Variants in HEPACAM2 observed in about 807,000 individuals in gnomAD.
HEPACAM2 encodes mitotic kinetics regulator.
HEPACAM2 carries 49 observed loss-of-function variants against 49.6 expected under a neutral mutation model. The observed-to-expected ratio is 0.99, with a 90% CI of 0.78 to 1.25. The LOEUF (loss-of-function observed/expected upper bound fraction) is 1.25, where lower values mean the gene tolerates loss of function less well. Ranked by LOEUF, HEPACAM2 falls within the 50% of genes most tolerant of loss-of-function variation. The pLI, the probability that HEPACAM2 is intolerant of heterozygous loss-of-function variation, is 0.00. For synonymous variants in HEPACAM2, 197 were observed against 202.9 expected (o/e 0.97, Z 0.25); for missense variants, 525 against 557.2 (o/e 0.94, Z 0.58).
chr7:93,195,128 G>A (rs1010731853), intron 8 of HEPACAM2, among the ~76,000 whole-genome samples: 2 of 152,026 alleles, frequency 1.3e-5, no homozygotes, highest in African/African-American at 4.8e-5. Context: ...GGGCAATAAA[G>A]GGAAAACTGA....
chr7:93,195,908 T>G lies in HEPACAM2; in HGVS notation c.1202-7A>C, dbSNP rs780731775. 1.5e-5 allele frequency: 24 copies of G among 1,605,260 alleles called. No individual in the cohort carries two copies. Among genetic ancestry groups the G allele is most frequent in the Middle Eastern group, 3.3e-4 (2 of 6,036 alleles). ...TCCAGAGCATCTTCATGGCCTGAAA[T>G]GTAAAACAAATACTGCTTACAAACC... On this transcript the variant is annotated splice_region_variant and splice_polypyrimidine_tract_variant and intron_variant, in intron 7 of 9. Transcript: ENST00000394468.
At chr7:93,230,976 A>G (rs770540298), upstream of HEPACAM2, among the ~76,000 whole-genome samples, 10 of 152,212 alleles carry the variant, frequency 6.6e-5, no homozygotes, top group Non-Finnish European at 1.2e-4. Flanking sequence ...ATTCACCTAC[A>G]TCATCTCACT....
intron 3 of HEPACAM2, among the ~76,000 whole-genome samples, chr7:93,211,732 G>A (rs575221498): frequency 3.4e-4 from 51 of 152,034 alleles, no homozygotes; most frequent in Admixed American, 1.3e-3. Context: ...GGTGCACACC[G>A]AAGGAAACCA....
chr7:93,209,676 C>T (rs12669719), intron 3 of HEPACAM2, among the ~76,000 whole-genome samples: 6,065 of 151,992 alleles, frequency 0.04, 202 homozygotes, highest in East Asian at 0.16. Context: ...AGCTTCTACA[C>T]ATTAATATTT....
At chr7:93,212,512 T>G (rs1230365706) in intron 3 of HEPACAM2, among the ~76,000 whole-genome samples, 10 of 133,250 alleles carry the variant, frequency 7.5e-5, no homozygotes, top group South Asian at 6.8e-4. Context: ...AAATGCACGG[T>G]TTTTTTTTTG....
intron 4 of HEPACAM2, among the ~76,000 whole-genome samples, chr7:93,203,903 A>G (rs962832494): frequency 6.6e-6 from 1 of 152,114 alleles, no homozygotes; most frequent in African/African-American, 2.4e-5. Context: ...ACTCCATCAT[A>G]GGCCCACTGA....
intron 2 of HEPACAM2, among the ~76,000 whole-genome samples, chr7:93,216,323 G>A (rs1794306900): frequency 6.6e-6 from 1 of 152,122 alleles, no homozygotes; most frequent in East Asian, 1.9e-4. Context: ...TTTCAACACT[G>A]ACTCAGTCTG....
intron 3 of HEPACAM2, among the ~76,000 whole-genome samples, chr7:93,215,168 C>A (rs1314249007): frequency 6.6e-6 from 1 of 152,116 alleles, no homozygotes; most frequent in Admixed American, 6.6e-5. Context: ...TCACGAAATA[C>A]AACCTGAGTG....
At chr7:93,202,044 A>C (rs1557636) in intron 4 of HEPACAM2, among the ~76,000 whole-genome samples, 6,500 of 147,806 alleles carry the variant, frequency 0.044, 220 homozygotes, top group East Asian at 0.15. Flanking sequence ...AAAAAAAAAA[A>C]AAAAACCACA....
In HEPACAM2 at chr7:93,197,417, A is replaced by C. The variant is rs201755152; in HGVS notation, c.1139-20T>G. 5.4e-3 allele frequency: 8,638 copies of C among 1,589,852 alleles called. 92 individuals are homozygous for C. The highest frequency in any genetic ancestry group is 0.018 in the Middle Eastern group (109 of 5,916). ...TTATAACTAAAATCAAGAGAGAAGAAAAATGGTAAGGTTTTTTTTAGTACA... is the reference window on the plus strand; with the variant it reads ...TTATAACTAAAATCAAGAGAGAAGACAAATGGTAAGGTTTTTTTTAGTACA... On this transcript the variant is annotated intron_variant, in intron 5 of 9. Coordinates refer to ENST00000394468, the MANE Select transcript of HEPACAM2 (RefSeq NM_001039372.4).
chr7:93,225,988 T>C (rs1218116312), intron 1 of HEPACAM2: 14 of 1,028,884 alleles, frequency 1.4e-5, no homozygotes, highest in Non-Finnish European at 1.8e-5. Context: ...GTAAATTATT[T>C]GTAGTTTCAC....
At chr7:93,208,366 C>T (rs1052642183) in intron 4 of HEPACAM2, among the ~76,000 whole-genome samples, 3 of 152,010 alleles carry the variant, frequency 2.0e-5, no homozygotes, top group Admixed American at 6.6e-5. Flanking sequence ...TAGCCCTTCA[C>T]AATTGAATTG....
chr7:93,202,984 C>G (rs1318583043), intron 4 of HEPACAM2, among the ~76,000 whole-genome samples: 1 of 152,122 alleles, frequency 6.6e-6, no homozygotes, highest in African/African-American at 2.4e-5. Flanking sequence ...TACAGAGGAT[C>G]CCACTGTTTC....
chr7:93,190,318 A>T (rs1793510665), intron 9 of HEPACAM2, among the ~76,000 whole-genome samples: 1 of 152,008 alleles, frequency 6.6e-6, no homozygotes, highest in South Asian at 2.1e-4. Context: ...AGAGGAGGAA[A>T]ATTTTAAGAA....
intron 1 of HEPACAM2, among the ~76,000 whole-genome samples, chr7:93,222,915 TTGTCAATCC>T (rs1794477248): frequency 6.6e-6 from 1 of 152,208 alleles, no homozygotes; most frequent in African/African-American, 2.4e-5. Flanking sequence ...ATATATTAAG[TTGTCAATCC>T]TTGGATATCC....
At chr7:93,195,713 G>A in intron 8 of HEPACAM2, 115 bp downstream of exon 8, 1 of 766,392 alleles carries the variant, frequency 1.3e-6, no homozygotes, top group Non-Finnish European at 2.2e-6. Flanking sequence ...GCTTAATGCA[G>A]TAATGGGTAA....
chr7:93,219,339 G>A lies in HEPACAM2; in HGVS notation c.192C>T (p.Ile64=). ...GTCTCTCAAATAGCCATATGATCTG[G>A]ATGTCTGATGCTGGAGTGTGGAAGC... The part of the protein sequence containing the change: ...HYGFHTPASD[I]QIIWLFERPH... The change falls in exon 2 of 10, where the codon ATC becomes ATT. Residue 64 remains isoleucine (I), a synonymous_variant. Transcript: ENST00000394468. 1 of 1,614,002 alleles carries A rather than the reference G, an allele frequency of 6.2e-7. No individual in the cohort carries two copies. Among genetic ancestry groups the A allele is most frequent in the Non-Finnish European group, 8.5e-7 (1 of 1,179,946 alleles).
At chr7:93,231,184 T>G (rs536880095), upstream of HEPACAM2, among the ~76,000 whole-genome samples, 5 of 152,336 alleles carry the variant, frequency 3.3e-5, no homozygotes, top group East Asian at 9.6e-4. Flanking sequence ...TACTATTGTT[T>G]ACCTAGTATT....
upstream of HEPACAM2, among the ~76,000 whole-genome samples, chr7:93,228,997 G>A (rs1290473283): frequency 6.6e-6 from 1 of 152,158 alleles, no homozygotes; most frequent in East Asian, 1.9e-4. Flanking sequence ...ACTTCATACA[G>A]TAAATGTCTG....
Sources: allele counts gnomAD v4.1 joint callset (sites outside exome capture counted in the v4.1 genomes callset), GRCh38; gene constraint gnomAD v4.1.1; transcripts MANE v1.5; gene names NCBI Gene and HGNC (gene_info 2026-07-23, HGNC 2026-07-21).